The following ARHGAP6 variants were observed in gnomAD, a reference collection of about 807,000 sequenced individuals.
ARHGAP6 encodes Rho GTPase activating protein 6, also known as rho GTPase-activating protein 6.
ARHGAP6 carries 16 observed loss-of-function variants against 55.7 expected under a neutral mutation model. The ratio of observed to expected loss-of-function variants is 0.29; its 90% CI spans 0.19 to 0.44. The LOEUF is 0.44. Among genes scored for constraint, ARHGAP6 ranks in the 20% least tolerant of loss-of-function variants. The pLI, the probability that ARHGAP6 is intolerant of heterozygous loss-of-function variation, is 1.00. For synonymous variants in ARHGAP6, 382 were observed against 360.9 expected, an observed-to-expected ratio of 1.06 and a Z score of -0.66; for missense variants, 698 against 808.9, an observed-to-expected ratio of 0.86 and a Z score of 1.66.
chrX:11,174,440 A>G (rs931624038), intron 8 of ARHGAP6, among the ~76,000 whole-genome samples: 19 of 111,086 alleles, frequency 1.7e-4, no homozygotes, highest in Non-Finnish European at 2.6e-4. Flanking sequence ...TTTCTGAGCA[A>G]TAGTCGTTGG....
intron 1 of ARHGAP6, chrX:11,351,552 A>T (rs986224622): frequency 2.7e-6 from 2 of 751,701 alleles, no homozygotes; most frequent in African/African-American, 4.7e-5. Flanking sequence ...GGAAGTGAGA[A>T]GCCATGGGCC....
At chrX:11,529,108 A>C (rs1218224358) in intron 1 of ARHGAP6, among the ~76,000 whole-genome samples, 1 of 111,364 alleles carries the variant, frequency 9.0e-6, no homozygotes, top group Admixed American at 9.6e-5. Context: ...CTGCAAGGGA[A>C]ATCTCTCGAG....
chrX:11,527,555 T>A (rs899262296), intron 1 of ARHGAP6, among the ~76,000 whole-genome samples: 2 of 112,020 alleles, frequency 1.8e-5, no homozygotes, highest in African/African-American at 6.5e-5. Flanking sequence ...GAGGTTGCAG[T>A]GAGCCAAGAT....
At position 11,480,928 on chromosome X, in the gene ARHGAP6, C is replaced by A. The variant is rs771255793; in HGVS notation, c.588+183313G>T. 3.7e-4 allele frequency among the ~76,000 whole-genome samples: 41 copies of A among 112,107 alleles called. 1 individual carries two copies. The highest frequency in any genetic ancestry group is 3.8e-5 in the Non-Finnish European group (2 of 53,218). On this transcript the variant is annotated intron_variant, in intron 1 of 12. Coordinates refer to ENST00000337414, the MANE Select transcript of ARHGAP6 (RefSeq NM_013427.3). ...GCCACAATGAATGTAAGGAAGATGA[C>A]AAGCAACATTTATTTCCCTTATTTT...
At chrX:11,427,811 G>A (rs1339048230) in intron 1 of ARHGAP6, 1 of 635,867 alleles carries the variant, frequency 1.6e-6, no homozygotes, top group Non-Finnish European at 1.8e-6. Context: ...AAGGGGGAGG[G>A]GGAAGAGGAG....
intron 1 of ARHGAP6, among the ~76,000 whole-genome samples, chrX:11,305,409 T>C (rs2048227686): frequency 8.9e-6 from 1 of 112,015 alleles, no homozygotes; most frequent in Admixed American, 9.4e-5. Context: ...TTAAAAACCG[T>C]CCGACAGAAG....
At chrX:11,565,860 T>C (rs1044527270) in intron 1 of ARHGAP6, among the ~76,000 whole-genome samples, 2 of 111,610 alleles carry the variant, frequency 1.8e-5, no homozygotes, top group East Asian at 2.8e-4. Flanking sequence ...ATAGAAGCAG[T>C]TCAGGTACCA....
intron 1 of ARHGAP6, among the ~76,000 whole-genome samples, chrX:11,458,307 C>T (rs2147814452): frequency 8.9e-6 from 1 of 112,422 alleles, no homozygotes; most frequent in East Asian, 2.8e-4. Context: ...CAAAAATATG[C>T]CTCGGCCTCT....
At chrX:11,196,070 G>A (rs1315867456) in intron 3 of ARHGAP6, among the ~76,000 whole-genome samples, 4 of 106,793 alleles carry the variant, frequency 3.7e-5, no homozygotes, top group African/African-American at 1.4e-4. Context: ...GAAGGTGGAC[G>A]TTGCAGTGAG....
At chrX:11,153,024 G>C (rs775652072) in intron 10 of ARHGAP6, among the ~76,000 whole-genome samples, 1 of 111,566 alleles carries the variant, frequency 9.0e-6, no homozygotes, top group African/African-American at 3.3e-5. Context: ...ACCCTTGGAG[G>C]CCTCCTCCAA....
intron 1 of ARHGAP6, among the ~76,000 whole-genome samples, chrX:11,554,612 A>G (rs975508542): frequency 5.4e-5 from 6 of 111,996 alleles, no homozygotes; most frequent in Non-Finnish European, 1.1e-4. Flanking sequence ...AACCTATTAA[A>G]TCTTTTGAAG....
intron 2 of ARHGAP6, among the ~76,000 whole-genome samples, chrX:11,214,797 G>A (rs752017614): frequency 8.6e-4 from 98 of 113,302 alleles, no homozygotes; most frequent in Non-Finnish European, 1.7e-3. Flanking sequence ...CGAGGACCCA[G>A]GCCCTCAGAG....
intron 1 of ARHGAP6, among the ~76,000 whole-genome samples, chrX:11,331,860 CTGTT>C (rs2048566587): frequency 8.9e-6 from 1 of 112,101 alleles, no homozygotes; most frequent in Admixed American, 9.5e-5. Context: ...TAACTGATAA[CTGTT>C]TGTTGATTAG....
intron 1 of ARHGAP6, among the ~76,000 whole-genome samples, chrX:11,313,335 A>G (rs1343905916): frequency 8.9e-6 from 1 of 112,451 alleles, no homozygotes; most frequent in Non-Finnish European, 1.9e-5. Context: ...GAACTTGCCT[A>G]TGTCAAAGGG....
At chrX:11,466,788 G>A (rs2050297945) in intron 1 of ARHGAP6, among the ~76,000 whole-genome samples, 1 of 111,919 alleles carries the variant, frequency 8.9e-6, no homozygotes, top group South Asian at 3.7e-4. Context: ...ACAGGCATGA[G>A]CCACCACACC....
At chrX:11,653,959 GTTTGTCACCATCATCA>G (rs1215881336) in intron 1 of ARHGAP6, among the ~76,000 whole-genome samples, 1 of 105,036 alleles carries the variant, frequency 9.5e-6, no homozygotes, top group Non-Finnish European at 2.0e-5. Context: ...TTGTTATTTT[GTTTGTCACCATCATCA>G]TCATCCTCAC....
In ARHGAP6 at chrX:11,494,265, T is replaced by C. The variant is rs185652384; in HGVS notation, c.588+169976A>G. Among the ~76,000 whole-genome samples the C allele has an allele frequency of 5.6e-4, 63 of 111,958 alleles. 1 individual carries two copies. Among genetic ancestry groups the C allele is most frequent in the African/African-American group, 1.9e-3 (60 of 30,811 alleles). ...CATTAAATGAACAAATAAAAATCAG[T>C]GTATTCCTTCTAATATGTTTTCTTT... On this transcript the variant is annotated intron_variant, in intron 1 of 12. Transcript: ENST00000337414.
At chrX:11,308,093 G>C (rs2048256750) in intron 1 of ARHGAP6, among the ~76,000 whole-genome samples, 1 of 112,178 alleles carries the variant, frequency 8.9e-6, no homozygotes, top group South Asian at 3.7e-4. Flanking sequence ...CAAATGAATT[G>C]ATGTGGCCTG....
At chrX:11,522,885 T>C (rs1436139778) in intron 1 of ARHGAP6, among the ~76,000 whole-genome samples, 1 of 111,818 alleles carries the variant, frequency 8.9e-6, no homozygotes, top group Admixed American at 9.5e-5. Context: ...ACTCATTTTA[T>C]GAGGCCAGCA....
Sources: gnomAD v4.1 joint callset for allele counts (sites outside exome capture counted in the v4.1 genomes callset) on GRCh38, gnomAD v4.1.1 for gene constraint, MANE v1.5 for transcripts, NCBI Gene and HGNC (gene_info 2026-07-23, HGNC 2026-07-21) for gene names.